The following GRIN2C variants were observed in gnomAD, a reference collection of about 807,000 sequenced individuals.
GRIN2C encodes glutamate receptor ionotropic, NMDA 2C.
A neutral mutation model predicts 77.7 loss-of-function variants in GRIN2C; 64 were observed. The ratio of observed to expected loss-of-function variants is 0.82; its 90% CI spans 0.67 to 1.01. GRIN2C has a LOEUF of 1.01. GRIN2C is among the 50% of genes least tolerant of loss of function. The probability of loss-of-function intolerance (pLI) is 0.00; values close to 1 mark genes in which losing one functional copy is unlikely to be tolerated. For missense variants in GRIN2C, 1,549 were observed against 1,486.0 expected (o/e 1.04, Z -0.70); for synonymous variants, 792 against 643.4 (o/e 1.23, Z -3.49).
rs1362597885 is a variant in GRIN2C, at chr17:74,850,853, CCT to C, written c.1114-88_1114-87del. ...GGAGCCTGCCAGGGCCAAGAATCTC[CCT>C]CTCTCACCTAGGGATGCTGGGGCAG... On this transcript the variant is annotated intron_variant, in intron 4 of 12. Coordinates refer to ENST00000293190, the MANE Select transcript of GRIN2C (RefSeq NM_000835.6). This position sits in a 1 kb window ranked among gnomAD's most constrained non-coding sequence, Gnocchi z 5.3. The C allele has an allele frequency of 1.8e-6, 2 of 1,109,854 alleles. No individual in the cohort carries two copies. Among genetic ancestry groups the C allele is most frequent in the East Asian group, 5.2e-5 (2 of 38,808 alleles). 68.8% of individuals were successfully genotyped at this position (1,109,854 alleles called of 1,614,324 possible). A position where few individuals can be genotyped will look rare whatever the true frequency, so the allele number is the denominator to read the frequency against.
Position 74,847,621 on chromosome 17 carries a change from C to G in GRIN2C, c.1772-84G>C. 1 of 1,082,376 alleles carries G rather than the reference C, an allele frequency of 9.2e-7. No homozygotes were observed. 67.0% of individuals were successfully genotyped at this position (1,082,376 alleles called of 1,614,324 possible). ...GGGCTCAGCCCACCCGACTGCACAG[C>G]TCCGGTCTCAGCCTGGCCTTGGGGG... is the stretch of plus-strand genomic sequence containing the variant. On this transcript the variant is annotated intron_variant, in intron 8 of 12. Coordinates refer to ENST00000293190, the MANE Select transcript of GRIN2C (RefSeq NM_000835.6). This position sits in a 1 kb window ranked among gnomAD's most constrained non-coding sequence, Gnocchi z 5.2.
intron 7 of GRIN2C, among the ~76,000 whole-genome samples, chr17:74,848,470 T>C (rs953652170): frequency 6.6e-6 from 1 of 152,158 alleles, no homozygotes; most frequent in Non-Finnish European, 1.5e-5. Context: ...TCCCAGCACT[T>C]TGGGAGGACG....
chr17:74,847,269 A>AC lies in GRIN2C; in HGVS notation c.2001+38_2001+39insG. The AC allele has an allele frequency of 1.8e-6, 1 of 541,814 alleles. No individual in the cohort carries two copies. The highest frequency in any genetic ancestry group is 3.4e-6 in the Non-Finnish European group (1 of 291,814). The allele number at this position is 541,814 out of a possible 1,614,324, so 33.6% of individuals were successfully genotyped here. ...CCACTCACGGCCTGTCCCCACCCTCAGTGCCCCCCCCCACCCCCAGCAGCT... is the reference window on the plus strand; with the variant it reads ...CCACTCACGGCCTGTCCCCACCCTCACGTGCCCCCCCCCACCCCCAGCAGCT... On this transcript the variant is annotated intron_variant, in intron 9 of 12. Transcript: ENST00000293190. The surrounding 1 kb of genome is among the most constrained non-coding windows in gnomAD (Gnocchi z 5.2).
rs889716208 is a variant in GRIN2C, at chr17:74,855,212, GAA to G, written c.-15-107_-15-106del. 19 of 929,330 alleles carry G rather than the reference GAA, an allele frequency of 2.0e-5. No homozygotes were observed. In the Admixed American group the frequency reaches 2.1e-4, roughly 10 times the overall value. The allele number at this position is 929,330 out of a possible 1,614,324, so 57.6% of individuals were successfully genotyped here. A position where few individuals can be genotyped will look rare whatever the true frequency, so the allele number is the denominator to read the frequency against. The stretch of plus-strand genomic sequence containing the variant: ...GGACACACATACGGAAGATGAAAGA[GAA>G]GAGGGGAAAACCTCCCTCCCCGAAG... On this transcript the variant is annotated intron_variant, in intron 1 of 12. Transcript: ENST00000293190.
Position 74,847,731 on chromosome 17 carries a change from G to T in GRIN2C, c.1771+121C>A. 2.0e-6 allele frequency: 2 copies of T among 1,009,090 alleles called. No individual in the cohort carries two copies. Among genetic ancestry groups the T allele is most frequent in the Non-Finnish European group, 3.0e-6 (2 of 669,776 alleles). 62.5% of individuals were successfully genotyped at this position (1,009,090 alleles called of 1,614,324 possible). A position where few individuals can be genotyped will look rare whatever the true frequency, so the allele number is the denominator to read the frequency against. On this transcript the variant is annotated intron_variant, in intron 8 of 12. Transcript: ENST00000293190. The surrounding 1 kb of genome is among the most constrained non-coding windows in gnomAD (Gnocchi z 5.2). ...GTGTGTGTCATCTGACTGGCCCCCAGCATGTGCCATCCAAAAGCAAGGGAC... is the reference window on the plus strand; with the variant it reads ...GTGTGTGTCATCTGACTGGCCCCCATCATGTGCCATCCAAAAGCAAGGGAC...
chr17:74,843,694 C>A, intron 12 of GRIN2C, 141 bp from the exon 13 acceptor site: 3 of 1,076,694 alleles, frequency 2.8e-6, no homozygotes, highest in Admixed American at 2.7e-5. Context: ...CTCCCATGCG[C>A]CAGGCACTGT....
At position 74,851,997 on chromosome 17, in the gene GRIN2C, C is replaced by T; in HGVS notation, c.998+16G>A. 6.8e-7 allele frequency: 1 copy of T among 1,466,336 alleles called. No homozygotes were observed. The highest frequency in any genetic ancestry group is 9.0e-7 in the Non-Finnish European group (1 of 1,106,352). The allele number at this position is 1,466,336 out of a possible 1,614,324, so 90.8% of individuals were successfully genotyped here. A position where few individuals can be genotyped will look rare whatever the true frequency, so the allele number is the denominator to read the frequency against. Reference sequence around the variant, plus strand: ...CTCCCCACCTCCCTACCCCTATGCCCCGGGCAGGTGCCCACCTGTAGAAGG... The same window carrying T: ...CTCCCCACCTCCCTACCCCTATGCCTCGGGCAGGTGCCCACCTGTAGAAGG... On this transcript the variant is annotated intron_variant, in intron 3 of 12. Transcript: ENST00000293190.
chr17:74,847,767 T>C lies in GRIN2C; in HGVS notation c.1771+85A>G. The C allele has an allele frequency of 1.4e-6, 2 of 1,410,758 alleles. No individual in the cohort carries two copies. 87.4% of individuals were successfully genotyped at this position (1,410,758 alleles called of 1,614,324 possible). The stretch of plus-strand genomic sequence containing the variant: ...CCAAAAGCAAGGGACCTCCCAAAGG[T>C]ATTCTCTGAAGGACCCGTTGCCCCT... On this transcript the variant is annotated intron_variant, in intron 8 of 12. Coordinates refer to ENST00000293190, the MANE Select transcript of GRIN2C (RefSeq NM_000835.6). The surrounding 1 kb of genome is among the most constrained non-coding windows in gnomAD (Gnocchi z 5.2).
At position 74,847,365 on chromosome 17, in the gene GRIN2C, G is replaced by A. The variant is rs1401410120; in HGVS notation, c.1944C>T (p.Ala648=). ...IFLASYTANL[A]AFMIQEQYID... is the part of the protein sequence containing the mutation. ...TGTATTGCTCTTGGATCATGAAGGCGGCCAGGTTGGCCGTGTAGCTGGCGA... is the reference window on the plus strand; with the variant it reads ...TGTATTGCTCTTGGATCATGAAGGCAGCCAGGTTGGCCGTGTAGCTGGCGA... Residue 648 remains alanine (A), a synonymous_variant, in exon 9 of 13, where the codon GCC becomes GCT. Transcript: ENST00000293190. This position sits in a 1 kb window ranked among gnomAD's most constrained non-coding sequence, Gnocchi z 5.2. 8.1e-6 allele frequency: 13 copies of A among 1,613,722 alleles called. No homozygotes were observed. The highest frequency in any genetic ancestry group is 2.7e-5 in the African/African-American group (2 of 74,798).
At chr17:74,843,575 G>C in intron 12 of GRIN2C, 22 bp from the exon 13 acceptor site, 1 of 1,530,176 alleles carries the variant, frequency 6.5e-7, no homozygotes, top group Non-Finnish European at 8.7e-7. Context: ...GGAGACGACA[G>C]GCCGTAAGCA....
At chr17:74,851,805 C>G in intron 3 of GRIN2C, 114 bp from the exon 4 acceptor site, 1 of 750,148 alleles carries the variant, frequency 1.3e-6, no homozygotes, top group Non-Finnish European at 2.3e-6. Flanking sequence ...GTTCAAAGTG[C>G]TTCCCTATAT....
At position 74,846,842 on chromosome 17, in the gene GRIN2C, T is replaced by C. The variant is rs1413358314; in HGVS notation, c.2080A>G (p.Ser694Gly). 10 of 1,614,180 alleles carry C rather than the reference T, an allele frequency of 6.2e-6. No individual in the cohort carries two copies. The highest frequency in any genetic ancestry group is 8.5e-6 in the Non-Finnish European group (10 of 1,180,034). ...TGGGTGTGCATGTCACGGTAGTTAC[T>C]GCGGATGTTCCGCTCCGTGCTGCCG... ...PNGSTERNIRSNYRDMHTHMV... is the reference protein window; with the variant it reads ...PNGSTERNIRGNYRDMHTHMV... The change falls in exon 10 of 13, where the codon AGT becomes GGT. Residue 694 changes from serine to glycine, a missense_variant. Coordinates refer to ENST00000293190, the MANE Select transcript of GRIN2C (RefSeq NM_000835.6). This position sits in a 1 kb window ranked among gnomAD's most constrained non-coding sequence, Gnocchi z 4.4.
Position 74,854,807 on chromosome 17 carries a change from C to A in GRIN2C, c.286G>T (p.Glu96Ter). 6.2e-7 allele frequency: 1 copy of A among 1,614,078 alleles called. No individual in the cohort carries two copies. The highest frequency in any genetic ancestry group is 8.5e-7 in the Non-Finnish European group (1 of 1,179,942). Residue 96 changes from glutamate (E) to a stop codon, truncating the protein, a stop_gained, in exon 2 of 13, where the codon GAG (glutamate) becomes TAG (stop). Transcript: ENST00000293190. LOFTEE classifies it high-confidence loss of function. ...GAAHVHGIVFEDNVDTEAVAQ... is the reference protein window; with the variant it reads ...GAAHVHGIVF ...ACCGCCTCGGTGTCCACGTTGTCCT[C>A]AAAGACAATGCCGTGGACGTGGGCA... is the stretch of plus-strand genomic sequence containing the variant.
In GRIN2C at chr17:74,859,630, G is replaced by C. The variant is rs1479646835; in HGVS notation, c.-16+114C>G. 6.6e-6 allele frequency: 1 copy of C among 152,062 alleles called. No individual in the cohort carries two copies. Among genetic ancestry groups the C allele is most frequent in the Non-Finnish European group, 1.5e-5 (1 of 68,018 alleles). 9.4% of individuals were successfully genotyped at this position (152,062 alleles called of 1,614,324 possible). On this transcript the variant is annotated intron_variant, in intron 1 of 12. Transcript: ENST00000293190. The surrounding 1 kb of genome is among the most constrained non-coding windows in gnomAD (Gnocchi z 5.9). The stretch of plus-strand genomic sequence containing the variant: ...CCGTTCTAGCTTGCCCCACTGCTGG[G>C]GGCACGGAGTTCTTGCTCCTCCAAG...
chr17:74,843,561 G>A lies in GRIN2C; in HGVS notation c.2584-8C>T, dbSNP rs1184348640. 1 of 1,532,034 alleles carries A rather than the reference G, an allele frequency of 6.5e-7. No individual in the cohort carries two copies. Among genetic ancestry groups the A allele is most frequent in the Non-Finnish European group, 8.7e-7 (1 of 1,146,070 alleles). The allele number at this position is 1,532,034 out of a possible 1,614,324, so 94.9% of individuals were successfully genotyped here. On this transcript the variant is annotated splice_region_variant and splice_polypyrimidine_tract_variant and intron_variant, in intron 12 of 12. Transcript: ENST00000293190. ...GAAGCAGCTGTAGATGCCCTGGGCA[G>A]TAGGGAGACGACAGGCCGTAAGCAG... is the stretch of plus-strand genomic sequence containing the variant.
At chr17:74,855,635 C>T (rs1335935428) in intron 1 of GRIN2C, among the ~76,000 whole-genome samples, 2 of 152,210 alleles carry the variant, frequency 1.3e-5, no homozygotes, top group Non-Finnish European at 2.9e-5. Flanking sequence ...GACCTCATCC[C>T]GCAGGTGACA....
Position 74,859,231 on chromosome 17 carries a change from C to G in GRIN2C, c.-16+513G>C, listed in dbSNP as rs2037894167. ...CCCTTAAACTAATGTTTGACAAACA[C>G]AGAGATCCCCAAAGAGCCCCAGAGA... On this transcript the variant is annotated intron_variant, in intron 1 of 12. Coordinates refer to ENST00000293190, the MANE Select transcript of GRIN2C (RefSeq NM_000835.6). The surrounding 1 kb of genome is among the most constrained non-coding windows in gnomAD (Gnocchi z 5.9). Among the ~76,000 whole-genome samples, 2 of 152,178 alleles carry G rather than the reference C, an allele frequency of 1.3e-5. No homozygotes were observed. The highest frequency in any genetic ancestry group is 6.5e-5 in the Admixed American group (1 of 15,282).
At position 74,852,305 on chromosome 17, in the gene GRIN2C, G is replaced by A; in HGVS notation, c.706C>T (p.Leu236Phe). The A allele has an allele frequency of 6.9e-7, 1 of 1,441,104 alleles. No homozygotes were observed. The highest frequency in any genetic ancestry group is 9.1e-7 in the Non-Finnish European group (1 of 1,104,040). The allele number at this position is 1,441,104 out of a possible 1,614,324, so 89.3% of individuals were successfully genotyped here. Residue 236 changes from leucine to phenylalanine, a missense_variant, in exon 3 of 13, where the codon CTC becomes TTC. Around this residue, in one of 3 missense-constraint regions of GRIN2C, gnomAD observed 382 missense variants for 360.0 expected, o/e 1.06. Transcript: ENST00000293190. Reference sequence around the variant, plus strand: ...CCGGCCTGCGCCGCCTCGGCGAAGAGCACCTCGGCCTCCTCGCGCGAGCAG... The same window carrying A: ...CCGGCCTGCGCCGCCTCGGCGAAGAACACCTCGGCCTCCTCGCGCGAGCAG... Reference protein sequence around the residue: ...AYCSREEAEVLFAEAAQAGLV... With the variant: ...AYCSREEAEVFFAEAAQAGLV...
chr17:74,842,781 T>G lies in GRIN2C; in HGVS notation c.3356A>C (p.Gln1119Pro). ...GATCGGCAAGCACATCGACTGCGCC[T>G]GCGCCAAGCGCCTGCAGGCCGAGTG... ...DGHSACRRLA[Q>P]AQSMCLPIYR... Residue 1119 changes from glutamine to proline, a missense_variant, in exon 13 of 13, where the codon CAG (glutamine) becomes CCG (proline). This residue lies in a region of GRIN2C where 450 missense variants were observed against 267.9 expected (regional missense o/e 1.68). Coordinates refer to ENST00000293190, the MANE Select transcript of GRIN2C (RefSeq NM_000835.6). 2 of 640,562 alleles carry G rather than the reference T, an allele frequency of 3.1e-6. No individual in the cohort carries two copies. Among genetic ancestry groups the G allele is most frequent in the Non-Finnish European group, 5.7e-6 (2 of 352,990 alleles). The allele number at this position is 640,562 out of a possible 1,614,324, so 39.7% of individuals were successfully genotyped here. A position where few individuals can be genotyped will look rare whatever the true frequency, so the allele number is the denominator to read the frequency against.
Sources: gnomAD v4.1 joint callset for allele counts (sites outside exome capture counted in the v4.1 genomes callset) on GRCh38, gnomAD v4.1.1 for gene constraint, gnomAD v4.1.1 regional missense constraint, Gnocchi (gnomAD v3.1) non-coding constraint, MANE v1.5 for transcripts, NCBI Gene and HGNC (gene_info 2026-07-23, HGNC 2026-07-21) for gene names.